DAPK1: variants seen among roughly 807,000 people sequenced by gnomAD.
DAPK1 encodes death associated protein kinase 1.
Under a neutral mutation model 144.9 loss-of-function variants are expected in DAPK1, and 56 were observed. The observed-to-expected ratio is 0.39, with a 90% CI of 0.31 to 0.48. DAPK1 has a LOEUF of 0.48. Ranked by LOEUF, DAPK1 falls within the 20% of genes least tolerant of loss-of-function variation. DAPK1 has a pLI of 0.95. For synonymous variants in DAPK1, 690 were observed against 749.0 expected, an observed-to-expected ratio of 0.92 and a Z score of 1.29; for missense variants, 1,454 against 1,875.4, an observed-to-expected ratio of 0.78 and a Z score of 4.15.
chr9:87,659,801 CCCCTCAGTCACTCTGCACACACCGCA>C (rs901562688), intron 18 of DAPK1, among the ~76,000 whole-genome samples: 3 of 148,650 alleles, frequency 2.0e-5, no homozygotes, highest in African/African-American at 5.2e-5. Context: ...ATTCTGCAGC[CCCCTCAGTCACTCTGCACACACCGCA>C]CCCGCAGTCA....
At chr9:87,547,731 G>A (rs1227360292) in intron 2 of DAPK1, among the ~76,000 whole-genome samples, 2 of 152,024 alleles carry the variant, frequency 1.3e-5, no homozygotes, top group East Asian at 1.9e-4. Context: ...TCGGGGAGGA[G>A]TTGAGGCCTC....
At chr9:87,680,264 C>T (rs1413416802) in intron 19 of DAPK1, among the ~76,000 whole-genome samples, 1 of 152,070 alleles carries the variant, frequency 6.6e-6, no homozygotes, top group African/African-American at 2.4e-5. Context: ...GCCACCACGC[C>T]CGGCTAATTT....
intron 2 of DAPK1, among the ~76,000 whole-genome samples, chr9:87,505,772 C>G (rs1203079653): frequency 6.6e-6 from 1 of 152,218 alleles, no homozygotes; most frequent in Non-Finnish European, 1.5e-5. Context: ...TCACTGCAAC[C>G]TCTGCCTCCC....
intron 21 of DAPK1, 108 bp from the exon 22 acceptor site, chr9:87,696,899 C>T: frequency 2.7e-6 from 2 of 750,820 alleles, no homozygotes; most frequent in East Asian, 4.9e-5. Context: ...AGAAGAATGC[C>T]ATAAGTATCA....
intron 19 of DAPK1, among the ~76,000 whole-genome samples, chr9:87,669,549 A>AT (rs199697774): frequency 1.4e-4 from 21 of 152,214 alleles, no homozygotes; most frequent in Admixed American, 1.2e-3. Context: ...AATGGTAATC[A>AT]TTTTTTTAAA....
At chr9:87,533,197 A>G (rs1014641152) in intron 2 of DAPK1, among the ~76,000 whole-genome samples, 7 of 152,228 alleles carry the variant, frequency 4.6e-5, no homozygotes, top group Non-Finnish European at 8.8e-5. Flanking sequence ...GTGGATATGT[A>G]TGCATATCTA....
chr9:87,660,246 C>T (rs3118845), intron 18 of DAPK1, among the ~76,000 whole-genome samples: 106 of 151,920 alleles, frequency 7.0e-4, no homozygotes, highest in Non-Finnish European at 1.3e-3. Flanking sequence ...CGCAGGGAAC[C>T]GGGGCTTCCT....
At chr9:87,579,874 T>G (rs1021656283) in intron 2 of DAPK1, among the ~76,000 whole-genome samples, 1 of 152,172 alleles carries the variant, frequency 6.6e-6, no homozygotes, top group Non-Finnish European at 1.5e-5. Flanking sequence ...TATTAAGTAG[T>G]ATTATCCAAC....
intron 3 of DAPK1, among the ~76,000 whole-genome samples, chr9:87,634,237 C>T (rs1211363246): frequency 6.6e-6 from 1 of 152,180 alleles, no homozygotes; most frequent in Non-Finnish European, 1.5e-5. Context: ...TAGGATCTGC[C>T]CTTGATGGAA....
Position 87,503,263 on chromosome 9 carries a change from G to GTA in DAPK1, c.62+4138_62+4139dup, listed in dbSNP as rs577381433. On this transcript the variant is annotated intron_variant, in intron 2 of 25. Transcript: ENST00000408954. ...TTTATATATATGTGTGTGTGTATATGTATATATATATATATTTTAGAGACA... is the reference window on the plus strand; with the variant it reads ...TTTATATATATGTGTGTGTGTATATGTATATATATATATATATTTTAGAGACA... 1.5e-3 allele frequency among the ~76,000 whole-genome samples: 223 copies of GTA among 150,144 alleles called. 1 individual carries two copies. Among genetic ancestry groups the GTA allele is most frequent in the African/African-American group, 4.7e-3 (193 of 40,936 alleles).
At chr9:87,598,085 C>T (rs1007436459) in intron 2 of DAPK1, among the ~76,000 whole-genome samples, 1 of 152,212 alleles carries the variant, frequency 6.6e-6, no homozygotes, top group Non-Finnish European at 1.5e-5. Context: ...CAGATGTTAA[C>T]TCATCCTTGA....
intron 3 of DAPK1, among the ~76,000 whole-genome samples, chr9:87,634,022 G>A (rs183204103): frequency 6.6e-6 from 1 of 152,354 alleles, no homozygotes; most frequent in Admixed American, 6.5e-5. Context: ...CCCCAGGTTG[G>A]GCTGTGATGA....
At chr9:87,610,585 T>A (rs925397022) in intron 3 of DAPK1, among the ~76,000 whole-genome samples, 6 of 152,256 alleles carry the variant, frequency 3.9e-5, no homozygotes, top group Non-Finnish European at 8.8e-5. Flanking sequence ...AGTTATGCAT[T>A]TTTCTGTCTA....
At chr9:87,517,378 A>G (rs1825103488) in intron 2 of DAPK1, among the ~76,000 whole-genome samples, 2 of 151,872 alleles carry the variant, frequency 1.3e-5, no homozygotes, top group Admixed American at 6.6e-5. Context: ...TCCTTTTGCA[A>G]ACTCCTGGGG....
At chr9:87,608,970 G>A (rs1828827754) in intron 3 of DAPK1, among the ~76,000 whole-genome samples, 1 of 152,198 alleles carries the variant, frequency 6.6e-6, no homozygotes, top group Non-Finnish European at 1.5e-5. Flanking sequence ...ACATTATTCT[G>A]TGAGGATGTT....
intron 2 of DAPK1, among the ~76,000 whole-genome samples, chr9:87,558,101 C>T (rs2118627684): frequency 6.6e-6 from 1 of 152,186 alleles, no homozygotes; most frequent in East Asian, 1.9e-4. Flanking sequence ...GAGGTCCTGC[C>T]CAGTGTGGTA....
At chr9:87,524,890 G>A (rs1305029975) in intron 2 of DAPK1, among the ~76,000 whole-genome samples, 1 of 152,152 alleles carries the variant, frequency 6.6e-6, no homozygotes, top group Non-Finnish European at 1.5e-5. Context: ...GACTTAGAGG[G>A]AAAGGGTGGG....
chr9:87,683,717 C>T (rs952836825), intron 20 of DAPK1, among the ~76,000 whole-genome samples: 1 of 152,190 alleles, frequency 6.6e-6, no homozygotes, highest in South Asian at 2.1e-4. Flanking sequence ...TGAAGGGTGG[C>T]TCTGGGTGAC....
At chr9:87,632,463 T>C (rs1782176065) in intron 3 of DAPK1, 3 of 980,960 alleles carry the variant, frequency 3.1e-6, no homozygotes, top group Non-Finnish European at 2.4e-6. Flanking sequence ...TGAGTATATA[T>C]ATAGGAATGA....
Sources: allele counts gnomAD v4.1 joint callset (sites outside exome capture counted in the v4.1 genomes callset), GRCh38; gene constraint gnomAD v4.1.1; transcripts MANE v1.5; gene names NCBI Gene and HGNC (gene_info 2026-07-23, HGNC 2026-07-21).